The following MRPL1 variants were observed in gnomAD, a reference collection of about 807,000 sequenced individuals.
The protein encoded by MRPL1 is mitochondrial ribosomal protein L1.
In MRPL1, 28 loss-of-function variants were observed where a neutral mutation model predicts 38.0. The ratio of observed to expected loss-of-function variants is 0.74; its 90% confidence interval spans 0.55 to 1.01. The LOEUF (loss-of-function observed/expected upper bound fraction) is 1.01, where lower values mean the gene tolerates loss of function less well. Among genes scored for constraint, MRPL1 ranks in the 50% least tolerant of loss-of-function variants. The pLI, the probability that MRPL1 is intolerant of heterozygous loss-of-function variation, is 0.00. For missense variants in MRPL1, 358 were observed against 389.8 expected, an observed-to-expected ratio of 0.92 and a Z score of 0.69; for synonymous variants, 123 against 126.7, an observed-to-expected ratio of 0.97 and a Z score of 0.20.
chr4:77,862,923 G>A, intron 1 of MRPL1, 44 bp downstream of exon 1: 1 of 1,613,170 alleles, frequency 6.2e-7, no homozygotes, highest in Non-Finnish European at 8.5e-7. Flanking sequence ...CTCTGGCACC[G>A]AGTCTCTGGT....
chr4:77,874,365 T>C (rs1735346484), intron 2 of MRPL1, among the ~76,000 whole-genome samples: 1 of 152,240 alleles, frequency 6.6e-6, no homozygotes, highest in South Asian at 2.1e-4. Flanking sequence ...CATTTCATTG[T>C]GTGAAATGTA....
intron 5 of MRPL1, among the ~76,000 whole-genome samples, chr4:77,887,571 A>G (rs1026674172): frequency 3.9e-5 from 6 of 151,990 alleles, no homozygotes; most frequent in African/African-American, 1.4e-4. Flanking sequence ...TGTTGTCCAG[A>G]CTAGAAGATG....
intron 7 of MRPL1, among the ~76,000 whole-genome samples, chr4:77,944,210 T>C (rs1238759920): frequency 6.6e-6 from 1 of 152,198 alleles, no homozygotes; most frequent in Non-Finnish European, 1.5e-5. Flanking sequence ...CTGGGGCATG[T>C]CTGCACAGAG....
intron 1 of MRPL1, among the ~76,000 whole-genome samples, chr4:77,866,751 T>C (rs1735153580): frequency 6.8e-6 from 1 of 148,108 alleles, no homozygotes; most frequent in African/African-American, 2.4e-5. Context: ...TCACCCCCCT[T>C]TTTTTTTTTT....
intron 7 of MRPL1, among the ~76,000 whole-genome samples, chr4:77,921,207 C>G (rs915503185): frequency 1.3e-5 from 2 of 152,210 alleles, no homozygotes; most frequent in African/African-American, 4.8e-5. Context: ...TACACATGTA[C>G]ACACATTCTG....
chr4:77,874,795 T>A (rs932912543), intron 2 of MRPL1, among the ~76,000 whole-genome samples: 1 of 151,400 alleles, frequency 6.6e-6, no homozygotes, highest in South Asian at 2.1e-4. Context: ...TTTTTTTTTT[T>A]TTTGAGGTGA....
intron 2 of MRPL1, among the ~76,000 whole-genome samples, chr4:77,878,402 C>T (rs563509125): frequency 1.8e-4 from 28 of 152,164 alleles, no homozygotes; most frequent in African/African-American, 6.7e-4. Context: ...TTAATATGCC[C>T]TAGGCATTTT....
chr4:77,871,900 AT>A (rs751160472), intron 2 of MRPL1, 45 bp downstream of exon 2: 99 of 1,305,598 alleles, frequency 7.6e-5, no homozygotes, highest in Middle Eastern at 1.8e-4. Flanking sequence ...TGTCATTTTA[AT>A]TTTTTTTAAA....
At chr4:77,889,454 C>A (rs1735757093) in intron 5 of MRPL1, among the ~76,000 whole-genome samples, 1 of 152,132 alleles carries the variant, frequency 6.6e-6, no homozygotes, top group Non-Finnish European at 1.5e-5. Context: ...ACACAACATA[C>A]CAGAATCTCT....
At chr4:77,929,163 T>C (rs1736787179) in intron 7 of MRPL1, among the ~76,000 whole-genome samples, 1 of 152,220 alleles carries the variant, frequency 6.6e-6, no homozygotes, top group Non-Finnish European at 1.5e-5. Flanking sequence ...TGGTGGCTTA[T>C]GCCTGTAGTC....
At chr4:77,881,609 T>A (rs1735544147) in intron 2 of MRPL1, among the ~76,000 whole-genome samples, 1 of 152,026 alleles carries the variant, frequency 6.6e-6, no homozygotes, top group South Asian at 2.1e-4. Flanking sequence ...GCCCAGCTAA[T>A]TTTTTTGATT....
At chr4:77,900,850 A>G (rs1277811834) in intron 6 of MRPL1, among the ~76,000 whole-genome samples, 3 of 152,236 alleles carry the variant, frequency 2.0e-5, no homozygotes, top group Non-Finnish European at 4.4e-5. Context: ...CTTTAAGAAC[A>G]GAGACCAGCG....
chr4:77,867,447 G>C (rs915795629), intron 1 of MRPL1, among the ~76,000 whole-genome samples: 1 of 152,202 alleles, frequency 6.6e-6, no homozygotes, highest in Non-Finnish European at 1.5e-5. Context: ...TAGGTGCTAG[G>C]TATACAATGC....
intron 7 of MRPL1, among the ~76,000 whole-genome samples, chr4:77,945,187 T>C (rs1382570891): frequency 1.3e-5 from 2 of 149,470 alleles, no homozygotes; most frequent in Non-Finnish European, 3.0e-5. Context: ...ACTACTACTT[T>C]ATGTTATGTA....
chr4:77,888,717 AT>A (rs1376334437), intron 5 of MRPL1, among the ~76,000 whole-genome samples: 5 of 151,818 alleles, frequency 3.3e-5, no homozygotes, highest in Admixed American at 1.3e-4. Flanking sequence ...AAGTTATGGA[AT>A]TTTTTTTATT....
In MRPL1 at chr4:77,950,755, TGA is replaced by T. The variant is rs1737389926; in HGVS notation, c.859+880_859+881del. ...CTTTGATTTCAGTACAGGATCCTCTTGAGACAATAGTAGGAGTAGATGATGGA... is the reference window on the plus strand; with the variant it reads ...CTTTGATTTCAGTACAGGATCCTCTTGACAATAGTAGGAGTAGATGATGGA... On this transcript the variant is annotated intron_variant, in intron 8 of 8. Coordinates refer to ENST00000315567, the MANE Select transcript of MRPL1 (RefSeq NM_020236.4). Among the ~76,000 whole-genome samples the T allele has an allele frequency of 3.3e-5, 5 of 152,308 alleles. No homozygotes were observed. The South Asian group carries it at 1.0e-3, about 32-fold the overall frequency.
intron 6 of MRPL1, among the ~76,000 whole-genome samples, chr4:77,894,569 T>C (rs1284855923): frequency 6.6e-6 from 1 of 152,144 alleles, no homozygotes; most frequent in Non-Finnish European, 1.5e-5. Flanking sequence ...TTATCCCTGT[T>C]TATCAATATA....
At chr4:77,936,319 A>G (rs1234097693) in intron 7 of MRPL1, among the ~76,000 whole-genome samples, 1 of 152,140 alleles carries the variant, frequency 6.6e-6, no homozygotes, top group Non-Finnish European at 1.5e-5. Flanking sequence ...ATAATTATTT[A>G]TTCAACTTTA....
intron 7 of MRPL1, among the ~76,000 whole-genome samples, chr4:77,913,876 A>T (rs938604618): frequency 6.6e-6 from 1 of 152,236 alleles, no homozygotes; most frequent in Non-Finnish European, 1.5e-5. Context: ...CACATCCTGT[A>T]TGATTCTTTT....
Sources: allele counts gnomAD v4.1 joint callset (sites outside exome capture counted in the v4.1 genomes callset), GRCh38; gene constraint gnomAD v4.1.1; transcripts MANE v1.5; gene names NCBI Gene and HGNC (gene_info 2026-07-23, HGNC 2026-07-21).